SLC1A1: variants seen among roughly 807,000 people sequenced by gnomAD.
The protein encoded by SLC1A1 is excitatory amino acid transporter 3.
In SLC1A1, 43 loss-of-function variants were observed where a neutral mutation model predicts 53.3. The observed-to-expected ratio is 0.81, with a 90% CI of 0.63 to 1.04. The LOEUF is 1.04. Ranked by LOEUF, SLC1A1 falls within the 50% of genes least tolerant of loss-of-function variation. The pLI is 0.00. For synonymous variants in SLC1A1, 307 were observed against 243.2 expected (o/e 1.26, Z -2.44); for missense variants, 748 against 664.9 (o/e 1.12, Z -1.37).
At chr9:4,581,470 G>C (rs898709864) in intron 10 of SLC1A1, among the ~76,000 whole-genome samples, 4 of 152,206 alleles carry the variant, frequency 2.6e-5, no homozygotes, top group African/African-American at 4.8e-5. Context: ...CAAGGCTCAA[G>C]GACAGAGTTT....
chr9:4,572,077 T>G (rs1298546962), intron 6 of SLC1A1, 127 bp from the exon 7 acceptor site: 3 of 800,460 alleles, frequency 3.7e-6, no homozygotes, highest in Non-Finnish European at 4.3e-6. Context: ...TCTATAGTTT[T>G]GTTGACTCTG....
chr9:4,493,718 A>T (rs1321351721), intron 1 of SLC1A1, among the ~76,000 whole-genome samples: 1 of 152,232 alleles, frequency 6.6e-6, no homozygotes, highest in Non-Finnish European at 1.5e-5. Context: ...GCCTGATCTC[A>T]TCTCTATTTC....
chr9:4,519,837 C>G (rs1816001797), intron 1 of SLC1A1, among the ~76,000 whole-genome samples: 1 of 152,152 alleles, frequency 6.6e-6, no homozygotes, highest in Non-Finnish European at 1.5e-5. Context: ...GATTGTAAAC[C>G]ACATGGGGAC....
rs369661958 is a variant in SLC1A1, at chr9:4,517,753, G to A, written c.92-26814G>A. Among the ~76,000 whole-genome samples, 4 of 152,098 alleles carry A rather than the reference G, an allele frequency of 2.6e-5. No individual in the cohort carries two copies. The East Asian group carries it at 7.7e-4, about 29-fold the overall frequency. ...TTTTTAGTTTCTCTTTAAAAATTCA[G>A]GAGAAAAGGCCACCATGGACCCTCA... On this transcript the variant is annotated intron_variant, in intron 1 of 11. Coordinates refer to ENST00000262352, the MANE Select transcript of SLC1A1 (RefSeq NM_004170.6).
intron 1 of SLC1A1, 67 bp downstream of exon 1, chr9:4,490,837 G>A: frequency 9.5e-6 from 13 of 1,368,504 alleles, no homozygotes; most frequent in Non-Finnish European, 1.2e-5. Context: ...GCCGCGTGCG[G>A]CTGAGGGTGG....
intron 2 of SLC1A1, 81 bp downstream of exon 2, chr9:4,544,788 T>A (rs1392281310): frequency 7.5e-6 from 9 of 1,194,498 alleles, no homozygotes; most frequent in Non-Finnish European, 1.1e-5. Context: ...AGGTAATTTA[T>A]AAAGGAAAGA....
chr9:4,506,308 A>G (rs538027649), intron 1 of SLC1A1, among the ~76,000 whole-genome samples: 1 of 152,244 alleles, frequency 6.6e-6, no homozygotes, highest in East Asian at 1.9e-4. Flanking sequence ...CTTGCATTTT[A>G]AAGTACATTT....
intron 1 of SLC1A1, among the ~76,000 whole-genome samples, chr9:4,529,166 T>C (rs1259385710): frequency 1.3e-5 from 2 of 152,186 alleles, no homozygotes; most frequent in African/African-American, 2.4e-5. Flanking sequence ...CACTGCTTTC[T>C]AATGCAAAAC....
chr9:4,502,306 G>A (rs1419942593), intron 1 of SLC1A1, among the ~76,000 whole-genome samples: 3 of 142,912 alleles, frequency 2.1e-5, no homozygotes, highest in African/African-American at 8.0e-5. Flanking sequence ...AGGATCACTT[G>A]AGCCCGGGAG....
chr9:4,535,865 A>T (rs897028210), intron 1 of SLC1A1, among the ~76,000 whole-genome samples: 23 of 152,216 alleles, frequency 1.5e-4, no homozygotes, highest in Non-Finnish European at 3.1e-4. Context: ...ACAGAGATAT[A>T]GACCAATGGA....
At chr9:4,551,171 G>T (rs1396940403) in intron 2 of SLC1A1, among the ~76,000 whole-genome samples, 1 of 152,168 alleles carries the variant, frequency 6.6e-6, no homozygotes, top group Non-Finnish European at 1.5e-5. Flanking sequence ...GTAAACTCAG[G>T]CTTTACAGCA....
chr9:4,550,173 A>G (rs906795438), intron 2 of SLC1A1, among the ~76,000 whole-genome samples: 1 of 152,214 alleles, frequency 6.6e-6, no homozygotes, highest in Admixed American at 6.5e-5. Context: ...CGTTTTGTTT[A>G]TCAATGACTT....
intron 1 of SLC1A1, among the ~76,000 whole-genome samples, chr9:4,508,206 T>C (rs747642295): frequency 5.3e-5 from 8 of 151,934 alleles, no homozygotes; most frequent in Non-Finnish European, 1.0e-4. Context: ...AGCAAACAAA[T>C]CACTTTAAGA....
chr9:4,514,120 G>A (rs1821084789), intron 1 of SLC1A1, among the ~76,000 whole-genome samples: 1 of 152,158 alleles, frequency 6.6e-6, no homozygotes, highest in African/African-American at 2.4e-5. Context: ...TTTGATGGTG[G>A]CTATAAGAAT....
chr9:4,574,093 G>C, intron 8 of SLC1A1, 79 bp downstream of exon 8: 2 of 941,228 alleles, frequency 2.1e-6, no homozygotes, highest in Middle Eastern at 2.1e-4. Flanking sequence ...GTTTCAGTTG[G>C]TTAAAACTGG....
intron 1 of SLC1A1, among the ~76,000 whole-genome samples, chr9:4,543,272 T>C (rs1021630297): frequency 6.6e-6 from 1 of 152,244 alleles, no homozygotes; most frequent in African/African-American, 2.4e-5. Context: ...ATATCCTCCT[T>C]GAATCTTTCT....
chr9:4,573,871 T>A (rs762891979), intron 7 of SLC1A1, 36 bp from the exon 8 acceptor site: 2 of 1,416,274 alleles, frequency 1.4e-6, no homozygotes, highest in Admixed American at 1.7e-5. Flanking sequence ...AAGCACTTGA[T>A]GACGGAATCA....
intron 2 of SLC1A1, chr9:4,553,901 C>A (rs1014668693): frequency 3.3e-5 from 5 of 152,196 alleles, no homozygotes; most frequent in African/African-American, 1.2e-4. Context: ...TTTGCCTCTT[C>A]CTTTCCCTTT....
intron 2 of SLC1A1, among the ~76,000 whole-genome samples, chr9:4,555,971 C>T (rs572091566): frequency 3.4e-5 from 5 of 148,382 alleles, no homozygotes; most frequent in African/African-American, 1.2e-4. Context: ...TAAAAATAGA[C>T]ATACAAAATA....
Sources: gnomAD v4.1 joint callset for allele counts (sites outside exome capture counted in the v4.1 genomes callset) on GRCh38, gnomAD v4.1.1 for gene constraint, MANE v1.5 for transcripts, NCBI Gene and HGNC (gene_info 2026-07-23, HGNC 2026-07-21) for gene names.